Variants in GUCY2C observed in about 807,000 individuals in gnomAD.
GUCY2C encodes guanylyl cyclase C.
Under a neutral mutation model 131.1 loss-of-function variants are expected in GUCY2C, and 118 were observed. The observed-to-expected ratio is 0.90, with a 90% confidence interval of 0.78 to 1.05. The LOEUF (loss-of-function observed/expected upper bound fraction) is 1.05. Among genes scored for constraint, GUCY2C ranks in the 50% least tolerant of loss-of-function variants. GUCY2C has a pLI of 0.00. For missense variants in GUCY2C, 1,161 were observed against 1,304.4 expected, an observed-to-expected ratio of 0.89 and a Z score of 1.69; for synonymous variants, 452 against 457.8, an observed-to-expected ratio of 0.99 and a Z score of 0.16.
At chr12:14,662,803 A>G (rs1947897073) in intron 10 of GUCY2C, among the ~76,000 whole-genome samples, 1 of 152,164 alleles carries the variant, frequency 6.6e-6, no homozygotes, top group African/African-American at 2.4e-5. Flanking sequence ...TAAAGAACAG[A>G]GGTCTTTATT....
intron 19 of GUCY2C, among the ~76,000 whole-genome samples, chr12:14,637,586 A>G (rs1947298727): frequency 6.6e-6 from 1 of 152,248 alleles, no homozygotes; most frequent in Non-Finnish European, 1.5e-5. Context: ...GCACAGGAAC[A>G]GACACATAAA....
intron 19 of GUCY2C, among the ~76,000 whole-genome samples, chr12:14,631,195 T>C (rs180740559): frequency 9.2e-5 from 14 of 152,296 alleles, no homozygotes; most frequent in African/African-American, 3.4e-4. Flanking sequence ...ACAAAAGATG[T>C]TTTTGTTTAA....
In GUCY2C at chr12:14,669,831, G is replaced by C; in HGVS notation, c.1173C>G (p.Tyr391Ter). The C allele has an allele frequency of 1.4e-6, 2 of 1,436,230 alleles. No individual in the cohort carries two copies. The highest frequency in any genetic ancestry group is 2.4e-5 in the South Asian group (2 of 82,740). 89.0% of individuals were successfully genotyped at this position (1,436,230 alleles called of 1,614,324 possible). A position where few individuals can be genotyped will look rare whatever the true frequency, so the allele number is the denominator to read the frequency against. Residue 391 changes from tyrosine to a stop codon, truncating the protein, a stop_gained and splice_region_variant, in exon 10 of 27, where the codon TAC becomes TAG. Coordinates refer to ENST00000261170, the MANE Select transcript of GUCY2C (RefSeq NM_004963.4). LOFTEE classifies it high-confidence loss of function. ...LLYTSVDTKK[Y>*]KVLLTYDTHV... ...GGGTATCATAGGTCAAAAGAACCTT[G>C]TACTGTGTCAGGGCACAAAAAAGAA...
At chr12:14,679,865 G>T in intron 5 of GUCY2C, 112 bp from the exon 6 acceptor site, 2 of 602,188 alleles carry the variant, frequency 3.3e-6, no homozygotes, top group South Asian at 2.2e-5. Context: ...ATTTTTTAAA[G>T]ATAAACTCCA....
chr12:14,634,758 G>C (rs1217435957), intron 19 of GUCY2C, among the ~76,000 whole-genome samples: 1 of 152,134 alleles, frequency 6.6e-6, no homozygotes, highest in African/African-American at 2.4e-5. Flanking sequence ...TGAAAGTAAA[G>C]GGATGGAAAG....
chr12:14,646,846 T>C (rs866459371), intron 15 of GUCY2C, among the ~76,000 whole-genome samples: 11 of 152,194 alleles, frequency 7.2e-5, no homozygotes, highest in African/African-American at 2.2e-4. Flanking sequence ...GGACCTGTTA[T>C]AGGGTGCACA....
chr12:14,643,391 T>G lies in GUCY2C; in HGVS notation c.1930+183A>C, dbSNP rs914836909. ...GATGAAGGAAATCCACAGAGGACAT[T>G]TGTTTAACTCAGGAAATACTCGTTG... On this transcript the variant is annotated intron_variant, in intron 17 of 26. Transcript: ENST00000261170. Among the ~76,000 whole-genome samples, 4 of 152,212 alleles carry G rather than the reference T, an allele frequency of 2.6e-5. No individual in the cohort carries two copies. The East Asian group carries it at 5.8e-4, about 22-fold the overall frequency.
In GUCY2C at chr12:14,645,118, A is replaced by G. The variant is rs1947494037; in HGVS notation, c.1797+111T>C. On this transcript the variant is annotated intron_variant, in intron 16 of 26. Coordinates refer to ENST00000261170, the MANE Select transcript of GUCY2C (RefSeq NM_004963.4). ...AATCCTACAACCCTATGACATAGCT[A>G]TTATTATCATTTTACAGATGAAGAA... 4.6e-6 allele frequency: 3 copies of G among 646,272 alleles called. No individual in the cohort carries two copies. The South Asian group carries it at 5.9e-5, about 13-fold the overall frequency. The allele number at this position is 646,272 out of a possible 1,614,324, so 40.0% of individuals were successfully genotyped here. A position where few individuals can be genotyped will look rare whatever the true frequency, so the allele number is the denominator to read the frequency against.
Position 14,683,027 on chromosome 12 carries a change from A to T in GUCY2C, c.611+15T>A. The T allele has an allele frequency of 6.4e-7, 1 of 1,562,710 alleles. No homozygotes were observed. The highest frequency in any genetic ancestry group is 8.8e-7 in the Non-Finnish European group (1 of 1,133,504). On this transcript the variant is annotated intron_variant, in intron 4 of 26. Coordinates refer to ENST00000261170, the MANE Select transcript of GUCY2C (RefSeq NM_004963.4). ...CCATGGCAAGTGCTAGTGAAATATT[A>T]ATGATCCTGCTTACCAGAAACAGTC... is the stretch of plus-strand genomic sequence containing the variant.
intron 18 of GUCY2C, 70 bp downstream of exon 18, chr12:14,641,012 G>C: frequency 3.6e-6 from 5 of 1,381,974 alleles, no homozygotes; most frequent in Non-Finnish European, 5.1e-6. Flanking sequence ...AGACAGATTA[G>C]GGTCTCAGTA....
chr12:14,645,115 G>C (rs887391068), intron 16 of GUCY2C, 114 bp downstream of exon 16: 3 of 634,880 alleles, frequency 4.7e-6, no homozygotes, highest in Non-Finnish European at 8.2e-6. Context: ...CTATGACATA[G>C]CTATTATTAT....
chr12:14,674,735 T>C lies in GUCY2C; in HGVS notation c.974A>G (p.Tyr325Cys), dbSNP rs1466597399. The C allele has an allele frequency of 1.2e-6, 2 of 1,611,554 alleles. No homozygotes were observed. The highest frequency in any genetic ancestry group is 3.3e-5 in the Admixed American group (2 of 59,888). ...TCCAAAGAGCAGGATTCCATTCAAA[T>C]AGGCAAGAGCAAAGTCTCGTTTTGT... Reference protein sequence around the residue: ...SPTKRDFALAYLNGILLFGHM... With the variant: ...SPTKRDFALACLNGILLFGHM... Residue 325 changes from tyrosine (Y) to cysteine (C), a missense_variant, in exon 8 of 27, where the codon TAT becomes TGT. Coordinates refer to ENST00000261170, the MANE Select transcript of GUCY2C (RefSeq NM_004963.4).
At chr12:14,649,164 C>T (rs1376812498) in intron 15 of GUCY2C, among the ~76,000 whole-genome samples, 2 of 152,122 alleles carry the variant, frequency 1.3e-5, no homozygotes, top group African/African-American at 4.8e-5. Flanking sequence ...AGTAGCATGA[C>T]TCAGGTATGT....
intron 1 of GUCY2C, among the ~76,000 whole-genome samples, chr12:14,690,251 C>G (rs1198082903): frequency 6.6e-6 from 1 of 152,176 alleles, no homozygotes; most frequent in African/African-American, 2.4e-5. Context: ...GGATGGCTGG[C>G]CTTACTGACC....
intron 1 of GUCY2C, among the ~76,000 whole-genome samples, chr12:14,688,944 C>T (rs1948527910): frequency 6.6e-6 from 1 of 152,192 alleles, no homozygotes; most frequent in African/African-American, 2.4e-5. Flanking sequence ...AGTGAGGCCA[C>T]ACCGTGCATG....
intron 19 of GUCY2C, among the ~76,000 whole-genome samples, chr12:14,631,765 C>G (rs1404404978): frequency 6.7e-6 from 1 of 149,424 alleles, no homozygotes; most frequent in African/African-American, 2.5e-5. Flanking sequence ...ATGGCTGGGT[C>G]AAATGGTATT....
At chr12:14,683,384 A>G in intron 3 of GUCY2C, 127 bp from the exon 4 acceptor site, 1 of 643,514 alleles carries the variant, frequency 1.6e-6, no homozygotes. Context: ...TCATTAAAGC[A>G]GGTTTCTCAT....
intron 5 of GUCY2C, among the ~76,000 whole-genome samples, chr12:14,680,392 G>C (rs897116702): frequency 3.9e-5 from 6 of 152,226 alleles, no homozygotes; most frequent in East Asian, 3.9e-4. Context: ...CCATTATGCT[G>C]CCCTGTTGAA....
At chr12:14,621,477 G>T (rs1452064072) in intron 22 of GUCY2C, among the ~76,000 whole-genome samples, 1 of 152,144 alleles carries the variant, frequency 6.6e-6, no homozygotes, top group Non-Finnish European at 1.5e-5. Context: ...AAATTGTCCA[G>T]ATGTGGTGAC....
Sources: allele counts gnomAD v4.1 joint callset (sites outside exome capture counted in the v4.1 genomes callset), GRCh38; gene constraint gnomAD v4.1.1; transcripts MANE v1.5; gene names NCBI Gene and HGNC (gene_info 2026-07-23, HGNC 2026-07-21).